Variants in DTNB observed in about 807,000 individuals in gnomAD.
DTNB encodes DTN-B.
In DTNB, 63 loss-of-function variants were observed where a neutral mutation model predicts 90.7. That is an observed-to-expected ratio of 0.69 (90% CI 0.57 to 0.86). DTNB has a LOEUF of 0.86. Ranked by LOEUF, DTNB falls within the 40% of genes least tolerant of loss-of-function variation. The probability of loss-of-function intolerance (pLI) is 0.00; values close to 1 mark genes in which losing one functional copy is unlikely to be tolerated. For missense variants in DTNB, 744 were observed against 807.1 expected, an observed-to-expected ratio of 0.92 and a Z score of 0.95; for synonymous variants, 277 against 286.7, an observed-to-expected ratio of 0.97 and a Z score of 0.34.
Position 25,396,286 on chromosome 2 carries a change from G to A in DTNB, c.1576-7925C>T, listed in dbSNP as rs77212107. ...AGCACTTTGGGAGGCCAAGATGGGC[G>A]GATCACTTGAGGACAGGAGTTCGAG... On this transcript the variant is annotated intron_variant, in intron 16 of 20. Coordinates refer to ENST00000406818, the MANE Select transcript of DTNB (RefSeq NM_021907.5). Among the ~76,000 whole-genome samples, 16 of 152,104 alleles carry A rather than the reference G, an allele frequency of 1.1e-4. No homozygotes were observed. In the East Asian group the frequency reaches 1.5e-3, roughly 15 times the overall value.
chr2:25,406,535 CAA>C (rs1203061611), intron 16 of DTNB, among the ~76,000 whole-genome samples: 6 of 98,948 alleles, frequency 6.1e-5, no homozygotes, highest in Admixed American at 2.2e-4. Context: ...AACTCCGTCT[CAA>C]AAAAAAAAAA....
intron 1 of DTNB, among the ~76,000 whole-genome samples, chr2:25,659,757 TA>T (rs977830090): frequency 6.6e-6 from 1 of 150,926 alleles, no homozygotes; most frequent in African/African-American, 2.4e-5. Flanking sequence ...ATTTGTAGTT[TA>T]AAAAAAAACC....
chr2:25,672,203 CAAAAAAAAAAAAAAAAAAAA>C (rs5829985), intron 1 of DTNB, among the ~76,000 whole-genome samples: 1 of 42,474 alleles, frequency 2.4e-5, no homozygotes, highest in Non-Finnish European at 3.8e-5. Flanking sequence ...CCTCGCATAG[CAAAAAAAAAAAAAAAAAAAA>C]AAAAAAAAAA....
chr2:25,431,347 A>G (rs957917024), intron 14 of DTNB, among the ~76,000 whole-genome samples: 16 of 152,152 alleles, frequency 1.1e-4, no homozygotes, highest in Non-Finnish European at 1.8e-4. Flanking sequence ...GAAGTTTTAA[A>G]GTTCTGTATT....
At chr2:25,427,180 A>AACACACACACACACACACAC (rs3041256) in intron 15 of DTNB, among the ~76,000 whole-genome samples, 15 of 139,570 alleles carry the variant, frequency 1.1e-4, no homozygotes, top group African/African-American at 3.6e-4. Context: ...TCCATCTCAA[A>AACACACACACACACACACAC]ACACACACAC....
intron 4 of DTNB, among the ~76,000 whole-genome samples, chr2:25,616,026 A>T (rs1243613853): frequency 6.6e-6 from 1 of 152,236 alleles, no homozygotes; most frequent in Non-Finnish European, 1.5e-5. Context: ...TGATAAATCA[A>T]AGGACATAAT....
At chr2:25,622,479 T>C (rs1357668685) in intron 4 of DTNB, among the ~76,000 whole-genome samples, 1 of 152,084 alleles carries the variant, frequency 6.6e-6, no homozygotes, top group African/African-American at 2.4e-5. Context: ...TAAATAAATA[T>C]ATGTATTTAT....
intron 8 of DTNB, among the ~76,000 whole-genome samples, chr2:25,539,484 T>C (rs2080644273): frequency 6.6e-6 from 1 of 152,208 alleles, no homozygotes; most frequent in South Asian, 2.1e-4. Context: ...ATTAAAAAGA[T>C]TGAGCCTCTT....
At chr2:25,519,012 A>C (rs2075663446) in intron 9 of DTNB, among the ~76,000 whole-genome samples, 1 of 152,188 alleles carries the variant, frequency 6.6e-6, no homozygotes, top group Non-Finnish European at 1.5e-5. Context: ...ATAGACCCCA[A>C]GGTGCCTAAT....
intron 13 of DTNB, among the ~76,000 whole-genome samples, chr2:25,433,384 C>CT (rs1440201039): frequency 2.0e-5 from 3 of 152,214 alleles, no homozygotes; most frequent in Non-Finnish European, 4.4e-5. Context: ...TTCCTTCCCT[C>CT]TGTCCCCGAT....
chr2:25,510,467 C>G (rs1191775498), intron 9 of DTNB, among the ~76,000 whole-genome samples: 1 of 151,470 alleles, frequency 6.6e-6, no homozygotes, highest in Admixed American at 6.6e-5. Context: ...TGGAACTTAT[C>G]TGTGGAGATT....
chr2:25,388,864 T>C (rs2040304649), intron 16 of DTNB, among the ~76,000 whole-genome samples: 1 of 151,048 alleles, frequency 6.6e-6, no homozygotes, highest in Non-Finnish European at 1.5e-5. Flanking sequence ...ATATCTTTTT[T>C]GGAGACAGAG....
chr2:25,395,146 G>T lies in DTNB; in HGVS notation c.1576-6785C>A, dbSNP rs2042067617. Among the ~76,000 whole-genome samples, 3 of 152,176 alleles carry T rather than the reference G, an allele frequency of 2.0e-5. No individual in the cohort carries two copies. The South Asian group carries it at 6.2e-4, about 32-fold the overall frequency. On this transcript the variant is annotated intron_variant, in intron 16 of 20. Coordinates refer to ENST00000406818, the MANE Select transcript of DTNB (RefSeq NM_021907.5). The stretch of plus-strand genomic sequence containing the variant: ...ACTCAGGAATGGAAAACCAAACATT[G>T]TACATTCTCACTCATATGTGGGAGC...
chr2:25,459,008 T>C (rs997861189), intron 10 of DTNB, among the ~76,000 whole-genome samples: 2 of 152,032 alleles, frequency 1.3e-5, no homozygotes, highest in African/African-American at 4.8e-5. Flanking sequence ...TCTTGAACTC[T>C]TGGGTTCAGG....
chr2:25,440,290 C>G (rs373576960), intron 12 of DTNB, among the ~76,000 whole-genome samples: 19 of 152,050 alleles, frequency 1.2e-4, no homozygotes, highest in Non-Finnish European at 2.5e-4. Context: ...CAGTGAGATA[C>G]GAGGATGAAA....
At chr2:25,485,510 A>G (rs1286726028) in intron 9 of DTNB, among the ~76,000 whole-genome samples, 1 of 152,378 alleles carries the variant, frequency 6.6e-6, no homozygotes, top group Non-Finnish European at 1.5e-5. Flanking sequence ...CAACCATTAT[A>G]GCACAAATAT....
intron 2 of DTNB, among the ~76,000 whole-genome samples, chr2:25,641,912 C>G (rs1161805560): frequency 2.0e-5 from 3 of 152,130 alleles, no homozygotes; most frequent in Admixed American, 6.5e-5. Context: ...GCTCTGCCTC[C>G]CGGGTTCACG....
In DTNB at chr2:25,419,527, C is replaced by A; in HGVS notation, c.1563G>T (p.Glu521Asp). The part of the protein sequence containing the change: ...EELMKLLKEE[E>D]QKQAAQATGS... ...GAAGTTCACTTACTGCCTGCTTTTG[C>A]TCTTCCTCCTGGAGTGTTGAAGATG... is the stretch of plus-strand genomic sequence containing the variant. The change falls in exon 16 of 21, where the codon GAG (glutamate) becomes GAT (aspartate). Residue 521 changes from glutamate to aspartate, a missense_variant. Transcript: ENST00000406818. 6.4e-7 allele frequency: 1 copy of A among 1,557,846 alleles called. No individual in the cohort carries two copies. Among genetic ancestry groups the A allele is most frequent in the East Asian group, 2.4e-5 (1 of 41,640 alleles).
chr2:25,573,599 C>T (rs1400388135), intron 8 of DTNB, among the ~76,000 whole-genome samples: 1 of 152,196 alleles, frequency 6.6e-6, no homozygotes, highest in Non-Finnish European at 1.5e-5. Flanking sequence ...TCCTATGTCA[C>T]CTTACCATTA....
Sources: allele counts gnomAD v4.1 joint callset (sites outside exome capture counted in the v4.1 genomes callset), GRCh38; gene constraint gnomAD v4.1.1; transcripts MANE v1.5; gene names NCBI Gene and HGNC (gene_info 2026-07-23, HGNC 2026-07-21).